ATL2: variants seen among roughly 807,000 people sequenced by gnomAD.
ATL2 encodes the protein atlastin-2.
A neutral mutation model predicts 73.9 loss-of-function variants in ATL2; 31 were observed. The ratio of observed to expected loss-of-function variants is 0.42; its 90% CI spans 0.32 to 0.57. ATL2 has a LOEUF of 0.57. Ranked by LOEUF, ATL2 falls within the 20% of genes least tolerant of loss-of-function variation. The pLI, the probability that ATL2 is intolerant of heterozygous loss-of-function variation, is 0.14. For missense variants in ATL2, 738 were observed against 702.6 expected, an observed-to-expected ratio of 1.05 and a Z score of -0.57; for synonymous variants, 291 against 237.5, an observed-to-expected ratio of 1.23 and a Z score of -2.07.
intron 1 of ATL2, among the ~76,000 whole-genome samples, chr2:38,364,031 A>C (rs1051869244): frequency 3.3e-5 from 5 of 152,204 alleles, no homozygotes; most frequent in African/African-American, 9.7e-5. Context: ...TGGGAGGCCA[A>C]GGCAGGCAGA....
chr2:38,360,189 G>T (rs77229428), intron 1 of ATL2, among the ~76,000 whole-genome samples: 4 of 148,992 alleles, frequency 2.7e-5, no homozygotes, highest in Admixed American at 2.7e-4. Context: ...TTTAAATGAC[G>T]TTAAAATTTA....
At chr2:38,316,685 C>T (rs1192698318) in intron 4 of ATL2, among the ~76,000 whole-genome samples, 1 of 152,104 alleles carries the variant, frequency 6.6e-6, no homozygotes, top group African/African-American at 2.4e-5. Context: ...CTGCACACAA[C>T]AACCACATCC....
At chr2:38,358,183 T>C (rs913575589) in intron 1 of ATL2, among the ~76,000 whole-genome samples, 3 of 152,204 alleles carry the variant, frequency 2.0e-5, no homozygotes, top group Non-Finnish European at 4.4e-5. Context: ...GTGTCATTCA[T>C]TTAATTCTAT....
At position 38,338,381 on chromosome 2, in the gene ATL2, T is replaced by C. The variant is rs116100478; in HGVS notation, c.363+4887A>G. The stretch of plus-strand genomic sequence containing the variant: ...CTCAATACCTGGGTGACAAGATCAA[T>C]TGTACCCCAAACATCAGCATTAGGA... On this transcript the variant is annotated intron_variant, in intron 2 of 12. Coordinates refer to ENST00000378954, the MANE Select transcript of ATL2 (RefSeq NM_001135673.4). 2.7e-3 allele frequency among the ~76,000 whole-genome samples: 417 copies of C among 152,196 alleles called. 3 individuals are homozygous for C. In the East Asian group the frequency reaches 0.038, roughly 14 times the overall value.
At chr2:38,347,240 G>A (rs1670076356) in intron 1 of ATL2, among the ~76,000 whole-genome samples, 1 of 152,112 alleles carries the variant, frequency 6.6e-6, no homozygotes, top group Non-Finnish European at 1.5e-5. Context: ...CATAGCAGAG[G>A]GCCTTATAAA....
intron 2 of ATL2, among the ~76,000 whole-genome samples, chr2:38,327,201 C>A (rs886496357): frequency 6.6e-6 from 1 of 151,846 alleles, no homozygotes; most frequent in African/African-American, 2.4e-5. Flanking sequence ...GTCAGAAACT[C>A]AAATCTACAT....
intron 9 of ATL2, among the ~76,000 whole-genome samples, chr2:38,307,387 G>A (rs1667509724): frequency 6.8e-6 from 1 of 146,334 alleles, no homozygotes; most frequent in Non-Finnish European, 1.5e-5. Context: ...GCCTTGCTCT[G>A]TCGCCCAGGC....
intron 2 of ATL2, among the ~76,000 whole-genome samples, chr2:38,323,686 A>G (rs1019201136): frequency 6.6e-6 from 1 of 152,214 alleles, no homozygotes; most frequent in Non-Finnish European, 1.5e-5. Flanking sequence ...GTAACCATTT[A>G]TTTAGTTAGT....
intron 1 of ATL2, 149 bp downstream of exon 1, chr2:38,376,994 C>T: frequency 1.8e-6 from 1 of 553,432 alleles, no homozygotes; most frequent in Non-Finnish European, 2.9e-6. Flanking sequence ...GCGGCTGAGG[C>T]TAGGCCCGGC....
intron 12 of ATL2, among the ~76,000 whole-genome samples, chr2:38,297,706 A>G (rs1225964801): frequency 6.6e-6 from 1 of 152,210 alleles, no homozygotes; most frequent in African/African-American, 2.4e-5. Context: ...ATGGAAGGCA[A>G]TGAAGACCTG....
intron 2 of ATL2, among the ~76,000 whole-genome samples, chr2:38,332,545 C>A (rs920463529): frequency 1.3e-5 from 2 of 152,118 alleles, no homozygotes; most frequent in African/African-American, 4.8e-5. Flanking sequence ...AATAGTTGCA[C>A]AACTCTGTGA....
chr2:38,303,313 C>A (rs1188236178), intron 9 of ATL2, among the ~76,000 whole-genome samples: 1 of 151,970 alleles, frequency 6.6e-6, no homozygotes, highest in Admixed American at 6.6e-5. Context: ...TCAAAGGATC[C>A]TCCTACCTCA....
At chr2:38,370,970 A>T (rs184331108) in intron 1 of ATL2, among the ~76,000 whole-genome samples, 2 of 151,892 alleles carry the variant, frequency 1.3e-5, no homozygotes, top group South Asian at 4.2e-4. Context: ...GGGGGAAAAA[A>T]ATAAGGAAAA....
intron 2 of ATL2, among the ~76,000 whole-genome samples, chr2:38,321,398 C>T (rs1266105361): frequency 6.6e-6 from 1 of 152,184 alleles, no homozygotes. Context: ...GGGGCTGCCA[C>T]CTGAGACAAT....
intron 9 of ATL2, among the ~76,000 whole-genome samples, chr2:38,306,360 G>A (rs2148413558): frequency 6.6e-6 from 1 of 152,226 alleles, no homozygotes; most frequent in Middle Eastern, 3.4e-3. Flanking sequence ...AAAAACCAGA[G>A]GAGGAGGGAA....
intron 2 of ATL2, among the ~76,000 whole-genome samples, chr2:38,330,348 A>T (rs1450204933): frequency 6.6e-6 from 1 of 152,152 alleles, no homozygotes; most frequent in Non-Finnish European, 1.5e-5. Context: ...GTTAGAAAAC[A>T]GACAAGGATA....
intron 2 of ATL2, among the ~76,000 whole-genome samples, chr2:38,326,580 A>C (rs1161708148): frequency 6.6e-6 from 1 of 152,238 alleles, no homozygotes; most frequent in East Asian, 1.9e-4. Flanking sequence ...CTAGGTATAT[A>C]TTATAGCCTA....
At chr2:38,377,319 A>C, upstream of ATL2, 1 of 1,428,590 alleles carries the variant, frequency 7.0e-7, no homozygotes, top group Non-Finnish European at 9.3e-7. Context: ...CGCTTTATCA[A>C]CCTCCCGGGA....
chr2:38,305,578 A>G (rs1397688413), intron 9 of ATL2, among the ~76,000 whole-genome samples: 1 of 152,124 alleles, frequency 6.6e-6, no homozygotes, highest in Non-Finnish European at 1.5e-5. Context: ...TTGAAATTAT[A>G]TCAAGTATCT....
Sources: allele counts gnomAD v4.1 joint callset (sites outside exome capture counted in the v4.1 genomes callset), GRCh38; gene constraint gnomAD v4.1.1; transcripts MANE v1.5; gene names NCBI Gene and HGNC (gene_info 2026-07-23, HGNC 2026-07-21).